The following IHO1 variants were observed in gnomAD, a reference collection of about 807,000 sequenced individuals.
IHO1 encodes interactor of HORMAD1 protein 1.
IHO1 carries 13 observed loss-of-function variants against 31.0 expected under a neutral mutation model. That is an observed-to-expected ratio of 0.42 (90% CI 0.27 to 0.67). The LOEUF (loss-of-function observed/expected upper bound fraction) is 0.67. Ranked by LOEUF, IHO1 falls within the 30% of genes least tolerant of loss-of-function variation. The pLI is 0.24. For missense variants in IHO1, 599 were observed against 687.5 expected, an observed-to-expected ratio of 0.87 and a Z score of 1.44; for synonymous variants, 221 against 248.4, an observed-to-expected ratio of 0.89 and a Z score of 1.04.
chr3:49,204,960 G>A (rs541036252), intron 1 of IHO1, among the ~76,000 whole-genome samples: 37 of 152,060 alleles, frequency 2.4e-4, no homozygotes, highest in Admixed American at 7.2e-4. Flanking sequence ...CCCGGAAGGC[G>A]GAGGTTGCAG....
chr3:49,200,548 G>A lies in IHO1; in HGVS notation c.-16+975G>A, dbSNP rs201037069. On this transcript the variant is annotated intron_variant, in intron 1 of 7. Transcript: ENST00000452691. The stretch of plus-strand genomic sequence containing the variant: ...AAAAGATTGTCGCAGTAGAGTTGAC[G>A]ACGGTGGTCAGATGAGGTAGTCCAT... The A allele has an allele frequency of 1.1e-5, 11 of 976,650 alleles. No homozygotes were observed. In the East Asian group the frequency reaches 4.6e-4, roughly 41 times the overall value. The allele number at this position is 976,650 out of a possible 1,614,324, so 60.5% of individuals were successfully genotyped here.
intron 2 of IHO1, among the ~76,000 whole-genome samples, chr3:49,218,457 C>G (rs1377913968): frequency 6.8e-6 from 1 of 146,256 alleles, no homozygotes; most frequent in Non-Finnish European, 1.5e-5. Context: ...TCTTGGCTCA[C>G]TGCAGCCTCT....
In IHO1 at chr3:49,254,125, C is replaced by T. The variant is rs186331853; in HGVS notation, c.533-1265C>T. ...CTGGGATTACAGGCGTGAGTCTCCA[C>T]GCCCAGCTAGCTTTATCTGTCTTGA... On this transcript the variant is annotated intron_variant, in intron 6 of 7. Transcript: ENST00000452691. Among the ~76,000 whole-genome samples, 412 of 152,260 alleles carry T rather than the reference C, an allele frequency of 2.7e-3. 1 individual carries two copies. Among genetic ancestry groups the T allele is most frequent in the Non-Finnish European group, 4.5e-3 (304 of 68,026 alleles).
At chr3:49,252,857 A>G (rs1327732699) in intron 6 of IHO1, among the ~76,000 whole-genome samples, 1 of 151,788 alleles carries the variant, frequency 6.6e-6, no homozygotes, top group Non-Finnish European at 1.5e-5. Context: ...ATCCTGGCCA[A>G]CATGGTGGAC....
At chr3:49,221,275 C>G (rs1183492741) in intron 2 of IHO1, among the ~76,000 whole-genome samples, 1 of 152,104 alleles carries the variant, frequency 6.6e-6, no homozygotes. Flanking sequence ...AATCCTTTAG[C>G]TAGACACAGA....
At chr3:49,254,290 A>ATGTGTG (rs142967106) in intron 6 of IHO1, among the ~76,000 whole-genome samples, 1 of 150,778 alleles carries the variant, frequency 6.6e-6, no homozygotes, top group South Asian at 2.1e-4. Context: ...CATTAAATAA[A>ATGTGTG]TGTGTGTGTG....
At chr3:49,211,302 C>G (rs1244937258) in intron 1 of IHO1, among the ~76,000 whole-genome samples, 1 of 152,168 alleles carries the variant, frequency 6.6e-6, no homozygotes, top group Non-Finnish European at 1.5e-5. Context: ...GCCACTGCGC[C>G]CGGCTTCCAT....
chr3:49,211,075 T>C (rs1023054345), intron 1 of IHO1, among the ~76,000 whole-genome samples: 1 of 149,028 alleles, frequency 6.7e-6, no homozygotes, highest in African/African-American at 2.5e-5. Context: ...TGGCGCGATC[T>C]CGGCTCACTG....
At chr3:49,191,367 G>A in the IHO1 span, among the ~76,000 whole-genome samples, 120,185 of 152,226 alleles carry the variant, frequency 0.79, 47,839 homozygotes, top group East Asian at 0.99. Flanking sequence ...TCTTCCAGGC[G>A]TGGGGCTGAG....
intron 2 of IHO1, among the ~76,000 whole-genome samples, chr3:49,235,959 G>T (rs540795652): frequency 6.8e-6 from 1 of 146,452 alleles, no homozygotes; most frequent in Non-Finnish European, 1.5e-5. Flanking sequence ...TAACATTCTT[G>T]GCCCTGCACG....
intron 1 of IHO1, among the ~76,000 whole-genome samples, chr3:49,206,713 C>T (rs2046142831): frequency 6.6e-6 from 1 of 152,114 alleles, no homozygotes; most frequent in African/African-American, 2.4e-5. Context: ...CTAGCCCCTA[C>T]TCAAGATAGA....
At chr3:49,210,311 A>G (rs1451665639) in intron 1 of IHO1, among the ~76,000 whole-genome samples, 1 of 151,714 alleles carries the variant, frequency 6.6e-6, no homozygotes, top group Non-Finnish European at 1.5e-5. Flanking sequence ...ATCTTAGCTC[A>G]CTACAGCCTT....
At chr3:49,246,087 CAGA>C (rs2046689833) in intron 6 of IHO1, among the ~76,000 whole-genome samples, 1 of 148,650 alleles carries the variant, frequency 6.7e-6, no homozygotes, top group Non-Finnish European at 1.5e-5. Context: ...GAGGCTGAGG[CAGA>C]AGAACTGCTT....
intron 2 of IHO1, among the ~76,000 whole-genome samples, chr3:49,226,568 G>T (rs1280253645): frequency 1.3e-5 from 2 of 150,504 alleles, no homozygotes; most frequent in African/African-American, 2.4e-5. Context: ...CTGAGTCAAG[G>T]TCCCAGTGGG....
At chr3:49,211,623 C>CAAAA in intron 1 of IHO1, 143 bp from the exon 2 acceptor site, 1 of 280,612 alleles carries the variant, frequency 3.6e-6, no homozygotes, top group Admixed American at 6.2e-5. Context: ...AACTCCGTCT[C>CAAAA]AAAAAAAAAA....
intron 2 of IHO1, among the ~76,000 whole-genome samples, chr3:49,217,729 G>A (rs1285925134): frequency 6.6e-6 from 1 of 152,154 alleles, no homozygotes. Context: ...CAACTAGACG[G>A]TCCCATTTGT....
At chr3:49,242,603 A>G (rs1418422971) in intron 4 of IHO1, among the ~76,000 whole-genome samples, 1 of 152,186 alleles carries the variant, frequency 6.6e-6, no homozygotes, top group African/African-American at 2.4e-5. Context: ...TTTTCAGATC[A>G]TCAGGATTAG....
chr3:49,216,428 A>C (rs188791146), intron 2 of IHO1, among the ~76,000 whole-genome samples: 2 of 152,280 alleles, frequency 1.3e-5, no homozygotes, highest in East Asian at 3.9e-4. Context: ...CCTTGTCTTT[A>C]CCAAAAAATA....
upstream of IHO1, among the ~76,000 whole-genome samples, chr3:49,197,385 T>A (rs184075326): frequency 1.3e-4 from 20 of 152,130 alleles, no homozygotes; most frequent in Admixed American, 1.3e-3. Flanking sequence ...AACCTCAAAC[T>A]CCTGGACTCA....
Sources: gnomAD v4.1 joint callset for allele counts (sites outside exome capture counted in the v4.1 genomes callset) on GRCh38, gnomAD v4.1.1 for gene constraint, MANE v1.5 for transcripts, NCBI Gene and HGNC (gene_info 2026-07-23, HGNC 2026-07-21) for gene names.